Variants in SCFD2 observed in about 807,000 individuals in gnomAD.
The protein encoded by SCFD2 is sec1 family domain-containing protein 2.
Under a neutral mutation model 58.9 loss-of-function variants are expected in SCFD2, and 54 were observed. That is an observed-to-expected ratio of 0.92 (90% CI 0.74 to 1.15). The LOEUF (loss-of-function observed/expected upper bound fraction) is 1.15. Among genes scored for constraint, SCFD2 ranks in the 50% most tolerant of loss-of-function variants. The pLI, the probability that SCFD2 is intolerant of heterozygous loss-of-function variation, is 0.00. For missense variants in SCFD2, 805 were observed against 836.6 expected, an observed-to-expected ratio of 0.96 and a Z score of 0.47; for synonymous variants, 321 against 335.9, an observed-to-expected ratio of 0.96 and a Z score of 0.49.
intron 5 of SCFD2, among the ~76,000 whole-genome samples, chr4:53,001,307 G>T (rs1721860413): frequency 6.6e-6 from 1 of 152,194 alleles, no homozygotes; most frequent in Non-Finnish European, 1.5e-5. Flanking sequence ...GCACACAGCA[G>T]CACGGGAATT....
chr4:53,077,615 T>C (rs1724016171), intron 5 of SCFD2, among the ~76,000 whole-genome samples: 1 of 152,050 alleles, frequency 6.6e-6, no homozygotes. Context: ...TTTTTGTATT[T>C]TTAGTAGAGA....
At chr4:52,962,189 G>T (rs1577862717) in intron 5 of SCFD2, among the ~76,000 whole-genome samples, 2 of 152,152 alleles carry the variant, frequency 1.3e-5, no homozygotes, top group Non-Finnish European at 2.9e-5. Context: ...AAGCTTTGAG[G>T]TCCCAGCCAA....
chr4:53,235,938 G>A (rs1379738912), intron 4 of SCFD2, among the ~76,000 whole-genome samples: 1 of 152,192 alleles, frequency 6.6e-6, no homozygotes, highest in African/African-American at 2.4e-5. Flanking sequence ...TATGGACTGA[G>A]GAGGATAAAA....
intron 3 of SCFD2, among the ~76,000 whole-genome samples, chr4:53,293,167 G>A (rs1202423330): frequency 6.6e-6 from 1 of 152,120 alleles, no homozygotes; most frequent in East Asian, 1.9e-4. Context: ...CATGGATGGA[G>A]CTGGAAGACA....
At chr4:52,931,479 T>G (rs1372023121) in intron 5 of SCFD2, among the ~76,000 whole-genome samples, 1 of 152,190 alleles carries the variant, frequency 6.6e-6, no homozygotes, top group African/African-American at 2.4e-5. Context: ...GCTGGCAGTT[T>G]TCCTGTTAAT....
intron 5 of SCFD2, among the ~76,000 whole-genome samples, chr4:53,076,323 G>T (rs943696928): frequency 3.3e-5 from 5 of 152,124 alleles, no homozygotes; most frequent in Middle Eastern, 3.2e-3. Context: ...GTTCTCTACA[G>T]CATCAAGGTT....
At chr4:52,899,929 C>T (rs1719138759) in intron 7 of SCFD2, among the ~76,000 whole-genome samples, 1 of 152,026 alleles carries the variant, frequency 6.6e-6, no homozygotes, top group African/African-American at 2.4e-5. Flanking sequence ...CCCTTTTTTC[C>T]AGTTGATCGC....
chr4:53,274,278 A>G (rs1731264294), intron 3 of SCFD2, among the ~76,000 whole-genome samples: 1 of 152,206 alleles, frequency 6.6e-6, no homozygotes, highest in South Asian at 2.1e-4. Context: ...ATCATTATGT[A>G]ATACTCTGTA....
chr4:53,338,715 G>A (rs1394121410), intron 2 of SCFD2, among the ~76,000 whole-genome samples: 3 of 149,790 alleles, frequency 2.0e-5, no homozygotes, highest in African/African-American at 7.4e-5. Flanking sequence ...CGAGTAGCTG[G>A]GACCACAGGC....
intron 3 of SCFD2, among the ~76,000 whole-genome samples, chr4:53,289,094 G>A (rs1296347863): frequency 6.6e-6 from 1 of 152,192 alleles, no homozygotes; most frequent in Non-Finnish European, 1.5e-5. Context: ...ACTGGGCATG[G>A]TGGCTCATGC....
At chr4:52,951,904 C>A (rs1325791390) in intron 5 of SCFD2, among the ~76,000 whole-genome samples, 2 of 152,086 alleles carry the variant, frequency 1.3e-5, no homozygotes, top group Non-Finnish European at 2.9e-5. Flanking sequence ...GTTACTGCAG[C>A]AAAACTTAAT....
rs186666308 is a variant in SCFD2 at position 52,978,734 on chromosome 4, A to C, written c.1562-57864T>G. 2.1e-3 allele frequency among the ~76,000 whole-genome samples: 319 copies of C among 152,294 alleles called. 1 individual carries two copies. The highest frequency in any genetic ancestry group is 7.2e-3 in the African/African-American group (299 of 41,570). ...TAAACTTACCTGTGACATTGATCTT[A>C]GGTAAAATGTATGCTTTACAGAGCA... On this transcript the variant is annotated intron_variant, in intron 5 of 8. Coordinates refer to ENST00000401642, the MANE Select transcript of SCFD2 (RefSeq NM_152540.4).
intron 3 of SCFD2, among the ~76,000 whole-genome samples, chr4:53,283,752 CTT>C (rs1731576269): frequency 6.6e-6 from 1 of 151,492 alleles, no homozygotes; most frequent in Admixed American, 6.6e-5. Flanking sequence ...TATTTTTTTT[CTT>C]TTAGTAGAGA....
At chr4:53,162,513 C>G (rs533266054) in intron 4 of SCFD2, among the ~76,000 whole-genome samples, 2 of 152,350 alleles carry the variant, frequency 1.3e-5, no homozygotes. Flanking sequence ...GGAATCGCGA[C>G]ACTGACTTCC....
At chr4:53,225,971 A>T (rs1488532113) in intron 4 of SCFD2, among the ~76,000 whole-genome samples, 1 of 152,040 alleles carries the variant, frequency 6.6e-6, no homozygotes, top group Non-Finnish European at 1.5e-5. Context: ...TAATTTTTTT[A>T]AATTTAACAG....
At chr4:53,153,672 T>C (rs560154042) in intron 4 of SCFD2, among the ~76,000 whole-genome samples, 2 of 152,354 alleles carry the variant, frequency 1.3e-5, no homozygotes, top group African/African-American at 4.8e-5. Context: ...CACAGTCTGC[T>C]TGTATTCCTC....
intron 5 of SCFD2, among the ~76,000 whole-genome samples, chr4:52,975,190 A>C (rs1721218412): frequency 6.6e-6 from 1 of 152,338 alleles, no homozygotes; most frequent in East Asian, 1.9e-4. Context: ...TAAACTAAAG[A>C]GCTTCTGCAC....
intron 5 of SCFD2, among the ~76,000 whole-genome samples, chr4:52,987,618 C>T (rs1721525766): frequency 6.6e-6 from 1 of 152,164 alleles, no homozygotes; most frequent in African/African-American, 2.4e-5. Flanking sequence ...TGGCAATGTG[C>T]CATTATCATC....
chr4:53,365,050 A>G lies in SCFD2; in HGVS notation c.838+54T>C, dbSNP rs1409951089. On this transcript the variant is annotated intron_variant, in intron 1 of 8. Transcript: ENST00000401642. The surrounding 1 kb of genome is among the most constrained non-coding windows in gnomAD (Gnocchi z 4.3). ...AATAAAATATATGCTGAATCAATGA[A>G]AGTCCCAGCAATGTGGGGAATGGTA... The G allele has an allele frequency of 2.6e-6, 4 of 1,552,626 alleles. No homozygotes were observed. The African/African-American group carries it at 4.1e-5, about 16-fold the overall frequency.
Sources: gnomAD v4.1 joint callset for allele counts (sites outside exome capture counted in the v4.1 genomes callset) on GRCh38, gnomAD v4.1.1 for gene constraint, Gnocchi (gnomAD v3.1) non-coding constraint, MANE v1.5 for transcripts, NCBI Gene and HGNC (gene_info 2026-07-23, HGNC 2026-07-21) for gene names.